The following PCDHA1 variants were observed in gnomAD, a reference collection of about 807,000 sequenced individuals.
PCDHA1 encodes protocadherin alpha-1.
Under a neutral mutation model 61.3 loss-of-function variants are expected in PCDHA1, and 42 were observed. The ratio of observed to expected loss-of-function variants is 0.69; its 90% CI spans 0.54 to 0.89. The LOEUF (loss-of-function observed/expected upper bound fraction) is 0.89. PCDHA1 is among the 40% of genes least tolerant of loss of function. PCDHA1 has a pLI of 0.00. For missense variants in PCDHA1, 1,256 were observed against 1,235.3 expected (o/e 1.02, Z -0.25); for synonymous variants, 610 against 553.8 (o/e 1.10, Z -1.43).
chr5:140,939,560 T>C (rs2153641939), intron 1 of PCDHA1, among the ~76,000 whole-genome samples: 1 of 151,934 alleles, frequency 6.6e-6, no homozygotes, highest in African/African-American at 2.4e-5. Flanking sequence ...TGTATTAGTT[T>C]GGTTAATCAA....
chr5:140,896,594 C>G (rs1583238277), intron 1 of PCDHA1, among the ~76,000 whole-genome samples: 1 of 150,950 alleles, frequency 6.6e-6, no homozygotes, highest in Non-Finnish European at 1.5e-5. Flanking sequence ...CCAGGCTGGT[C>G]TCGAACTCCT....
intron 3 of PCDHA1, among the ~76,000 whole-genome samples, chr5:141,002,901 G>C (rs2098101392): frequency 6.6e-6 from 1 of 152,224 alleles, no homozygotes; most frequent in Admixed American, 6.5e-5. Flanking sequence ...GCAAGATGAA[G>C]AGAAGATCAG....
intron 1 of PCDHA1, among the ~76,000 whole-genome samples, chr5:140,873,080 C>G (rs1582109442): frequency 2.6e-5 from 4 of 151,946 alleles, no homozygotes; most frequent in Admixed American, 2.6e-4. Context: ...CTAGCTATTT[C>G]CCCCCCGTAT....
At chr5:140,978,528 C>T (rs903940636) in intron 1 of PCDHA1, among the ~76,000 whole-genome samples, 1 of 152,192 alleles carries the variant, frequency 6.6e-6, no homozygotes, top group Non-Finnish European at 1.5e-5. Flanking sequence ...GCCAGGCCAG[C>T]AGAACTTGTG....
intron 1 of PCDHA1, among the ~76,000 whole-genome samples, chr5:140,887,801 G>C (rs1377550372): frequency 1.3e-5 from 2 of 151,856 alleles, no homozygotes; most frequent in Admixed American, 1.3e-4. Context: ...CTTTATTTTT[G>C]TCCATTTCTT....
chr5:140,870,947 G>A lies in PCDHA1; in HGVS notation c.2394+82263G>A. ...TCATATGAATTGCAGCCGGCGGCGGGCGGCTCGCGCATCCCGTTCCGCGTG... is the reference window on the plus strand; with the variant it reads ...TCATATGAATTGCAGCCGGCGGCGGACGGCTCGCGCATCCCGTTCCGCGTG... On this transcript the variant is annotated intron_variant, in intron 1 of 3. Coordinates refer to ENST00000504120, the MANE Select transcript of PCDHA1 (RefSeq NM_018900.4). The A allele has an allele frequency of 6.2e-7, 1 of 1,613,700 alleles. No homozygotes were observed. Among genetic ancestry groups the A allele is most frequent in the Non-Finnish European group, 8.5e-7 (1 of 1,179,896 alleles).
At chr5:140,822,246 G>A (rs2150114892) in intron 1 of PCDHA1, 11 of 1,614,194 alleles carry the variant, frequency 6.8e-6, no homozygotes, top group East Asian at 4.5e-5. Context: ...AGGGCGCGTC[G>A]GATTTGGATA....
intron 3 of PCDHA1, among the ~76,000 whole-genome samples, chr5:140,999,140 G>A (rs1473682487): frequency 6.6e-6 from 1 of 152,164 alleles, no homozygotes; most frequent in African/African-American, 2.4e-5. Context: ...TGTCACAGCC[G>A]GAAGTCTTCA....
chr5:140,984,164 A>G (rs1471799520), intron 3 of PCDHA1, among the ~76,000 whole-genome samples: 1 of 152,208 alleles, frequency 6.6e-6, no homozygotes, highest in Non-Finnish European at 1.5e-5. Context: ...GAACTTCCCA[A>G]AGAAGCCACG....
At chr5:140,808,369 C>T in intron 1 of PCDHA1, 2 of 1,614,208 alleles carry the variant, frequency 1.2e-6, no homozygotes, top group South Asian at 1.1e-5. Flanking sequence ...CCCACGTCCC[C>T]TTCAAGCTGG....
Position 140,907,311 on chromosome 5 carries a change from T to C in PCDHA1, c.2395-71638T>C, listed in dbSNP as rs534638330. Among the ~76,000 whole-genome samples the C allele has an allele frequency of 5.9e-5, 9 of 152,292 alleles. No individual in the cohort carries two copies. The East Asian group carries it at 1.7e-3, about 29-fold the overall frequency. On this transcript the variant is annotated intron_variant, in intron 1 of 3. Coordinates refer to ENST00000504120, the MANE Select transcript of PCDHA1 (RefSeq NM_018900.4). Reference sequence around the variant, plus strand: ...AGCTGCTTCAGGATGATGGGGAACATGTAAAGACCAGTGAATTCCATATGC... The same window carrying C: ...AGCTGCTTCAGGATGATGGGGAACACGTAAAGACCAGTGAATTCCATATGC...
At chr5:140,891,889 G>C (rs1319520907) in intron 1 of PCDHA1, among the ~76,000 whole-genome samples, 1 of 152,224 alleles carries the variant, frequency 6.6e-6, no homozygotes, top group Non-Finnish European at 1.5e-5. Context: ...ATGTGACGAT[G>C]CAGCAAGAAG....
chr5:141,010,461 G>C lies in PCDHA1; in HGVS notation c.*524G>C. The C allele has an allele frequency of 1.2e-6, 1 of 823,014 alleles. No individual in the cohort carries two copies. The highest frequency in any genetic ancestry group is 1.8e-6 in the Non-Finnish European group (1 of 553,022). The allele number at this position is 823,014 out of a possible 1,614,324, so 51.0% of individuals were successfully genotyped here. A position where few individuals can be genotyped will look rare whatever the true frequency, so the allele number is the denominator to read the frequency against. On this transcript the variant is annotated 3_prime_UTR_variant, in exon 4 of 4. Coordinates refer to ENST00000504120, the MANE Select transcript of PCDHA1 (RefSeq NM_018900.4). ...GACAAATAAACAGCGGAAGTTATCAGTATGGAGGGGAAGTGTAAACTTAAA... is the reference window on the plus strand; with the variant it reads ...GACAAATAAACAGCGGAAGTTATCACTATGGAGGGGAAGTGTAAACTTAAA...
At chr5:140,975,084 T>C (rs1353727401) in intron 1 of PCDHA1, among the ~76,000 whole-genome samples, 1 of 152,140 alleles carries the variant, frequency 6.6e-6, no homozygotes, top group African/African-American at 2.4e-5. Context: ...GTTGGCAGAA[T>C]CCAGTTGTTT....
chr5:140,866,372 AT>A (rs1191186521), intron 1 of PCDHA1: 2 of 152,168 alleles, frequency 1.3e-5, no homozygotes, highest in East Asian at 3.8e-4. Context: ...GCATACTTCA[AT>A]AACAATTTTA....
intron 1 of PCDHA1, chr5:140,871,192 G>A (rs1582019516): frequency 6.2e-7 from 1 of 1,613,668 alleles, no homozygotes; most frequent in South Asian, 1.1e-5. Context: ...GGATGTCAAC[G>A]TGTACCTGAT....
chr5:140,829,952 C>G, intron 1 of PCDHA1: 1 of 1,614,008 alleles, frequency 6.2e-7, no homozygotes, highest in South Asian at 1.1e-5. Context: ...CGCTCGCTTC[C>G]CGTTTCGCGT....
chr5:140,849,625 T>A, intron 1 of PCDHA1: 1 of 1,598,718 alleles, frequency 6.3e-7, no homozygotes, highest in Non-Finnish European at 8.6e-7. Flanking sequence ...GTGATCGACC[T>A]AGACGCAGAT....
At chr5:140,793,806 G>A (rs1761808528) in intron 1 of PCDHA1, among the ~76,000 whole-genome samples, 1 of 152,086 alleles carries the variant, frequency 6.6e-6, no homozygotes, top group African/African-American at 2.4e-5. Flanking sequence ...TTGCATAAAA[G>A]TCTAAATGTA....
Sources: gnomAD v4.1 joint callset for allele counts (sites outside exome capture counted in the v4.1 genomes callset) on GRCh38, gnomAD v4.1.1 for gene constraint, MANE v1.5 for transcripts, NCBI Gene and HGNC (gene_info 2026-07-23, HGNC 2026-07-21) for gene names.